PER3: variants seen among roughly 807,000 people sequenced by gnomAD.
PER3 encodes period circadian regulator 3, also known as period circadian protein homolog 3.
In PER3, 107 loss-of-function variants were observed where a neutral mutation model predicts 127.2. The observed-to-expected ratio is 0.84, with a 90% CI of 0.72 to 0.99. The LOEUF (loss-of-function observed/expected upper bound fraction) is 0.99, where lower values mean the gene tolerates loss of function less well. PER3 is among the 50% of genes least tolerant of loss of function. The probability of loss-of-function intolerance (pLI) is 0.00; values close to 1 mark genes in which losing one functional copy is unlikely to be tolerated. For synonymous variants in PER3, 618 were observed against 585.8 expected, an observed-to-expected ratio of 1.05 and a Z score of -0.79; for missense variants, 1,560 against 1,525.8, an observed-to-expected ratio of 1.02 and a Z score of -0.37.
intron 13 of PER3, 58 bp from the exon 14 acceptor site, chr1:7,819,227 T>A (rs939248666): frequency 2.8e-5 from 42 of 1,477,746 alleles, no homozygotes; most frequent in Non-Finnish European, 3.5e-5. Context: ...TAAGAAAGTA[T>A]ATGTTCTTAA....
intron 16 of PER3, among the ~76,000 whole-genome samples, chr1:7,825,195 G>GGATATT (rs1181839643): frequency 1.3e-5 from 2 of 152,058 alleles, no homozygotes; most frequent in East Asian, 3.9e-4. Context: ...CTGCACCACA[G>GGATATT]GGGCGAGCTG....
At position 7,826,778 on chromosome 1, in the gene PER3, G is replaced by A; in HGVS notation, c.2188+68G>A. On this transcript the variant is annotated intron_variant, in intron 17 of 21. Coordinates refer to ENST00000377532, the MANE Select transcript of PER3 (RefSeq NM_001377275.1). This position sits in a 1 kb window ranked among gnomAD's most constrained non-coding sequence, Gnocchi z 4.2. Reference sequence around the variant, plus strand: ...TGTTACAAACTGTATCTAAGGACTAGGAGATAAGGAGTGAACAATAGGAGT... The same window carrying A: ...TGTTACAAACTGTATCTAAGGACTAAGAGATAAGGAGTGAACAATAGGAGT... 2 of 906,746 alleles carry A rather than the reference G, an allele frequency of 2.2e-6. No homozygotes were observed. The highest frequency in any genetic ancestry group is 3.6e-6 in the Non-Finnish European group (2 of 563,270). The allele number at this position is 906,746 out of a possible 1,614,324, so 56.2% of individuals were successfully genotyped here.
At position 7,827,241 on chromosome 1, in the gene PER3, C is replaced by T. The variant is rs147126058; in HGVS notation, c.2312C>T (p.Ala771Val). Residue 771 changes from alanine (A) to valine (V), a missense_variant, in exon 18 of 22, where the codon GCG becomes GTG. Ala to Val is a moderately conservative substitution (Grantham distance 64). This residue lies in a region of PER3 where 1,332 missense variants were observed against 1,223.6 expected (regional missense o/e 1.09). Coordinates refer to ENST00000377532, the MANE Select transcript of PER3 (RefSeq NM_001377275.1). ...ACCGGCTCTGGTCCCCGCAGGGGAG[C>T]GCATCAGAACGCACAGCCCTGCTGC... ...SNTGSGPRRG[A>V]HQNAQPCCPS... is the part of the protein sequence containing the mutation. 71 of 1,613,782 alleles carry T rather than the reference C, an allele frequency of 4.4e-5. No homozygotes were observed. The highest frequency in any genetic ancestry group is 1.2e-4 in the African/African-American group (9 of 74,936).
At position 7,827,729 on chromosome 1, in the gene PER3, C is replaced by T; in HGVS notation, c.2800C>T (p.Gln934Ter). The T allele has an allele frequency of 6.2e-7, 1 of 1,614,076 alleles. No individual in the cohort carries two copies. The highest frequency in any genetic ancestry group is 8.5e-7 in the Non-Finnish European group (1 of 1,179,998). ...FITSRSSSPL[Q>*]LNLLQEEMPR... ...TACTTCGAGAAGCAGCTCACCCTTG[C>T]AGTTAAACTTACTTCAGGAAGAGAT... The change falls in exon 18 of 22, where the codon CAG becomes TAG. Residue 934 changes from glutamine (Q) to a stop codon, truncating the protein, a stop_gained. Transcript: ENST00000377532. LOFTEE classifies it high-confidence loss of function.
At chr1:7,814,669 A>T (rs1007845086) in intron 13 of PER3, among the ~76,000 whole-genome samples, 2 of 152,208 alleles carry the variant, frequency 1.3e-5, no homozygotes, top group African/African-American at 4.8e-5. Flanking sequence ...AAATGAAGAT[A>T]AAATAAATTC....
chr1:7,803,597 C>A (rs2097180119), intron 9 of PER3, 95 bp from the exon 10 acceptor site: 2 of 810,112 alleles, frequency 2.5e-6, no homozygotes, highest in Non-Finnish European at 3.9e-6. Context: ...CAAAAAAAAC[C>A]ACTAAAACAT....
At chr1:7,810,787 G>A in intron 13 of PER3, 199 bp downstream of exon 13, 1 of 426,120 alleles carries the variant, frequency 2.3e-6, no homozygotes, top group Non-Finnish European at 4.2e-6. Context: ...GAAAGGAAAT[G>A]GTATTAGAAT....
chr1:7,794,140 C>CAAGGAGTTCG lies in PER3; in HGVS notation c.644+133_644+142dup, dbSNP rs556720784. On this transcript the variant is annotated intron_variant, in intron 6 of 21. Transcript: ENST00000377532. ...AAAAAATAAGACTTGGTTATTGCCA[C>CAAGGAGTTCG]AAGGAGTTCGTATTTTGATTGAGAA... is the stretch of plus-strand genomic sequence containing the variant. 27 of 759,680 alleles carry CAAGGAGTTCG rather than the reference C, an allele frequency of 3.6e-5. No individual in the cohort carries two copies. The African/African-American group carries it at 3.8e-4, about 11-fold the overall frequency. The allele number at this position is 759,680 out of a possible 1,614,324, so 47.1% of individuals were successfully genotyped here.
chr1:7,806,812 A>AAAAAAAAAAAAAAATAT, intron 10 of PER3, among the ~76,000 whole-genome samples: 1 of 60,632 alleles, frequency 1.6e-5, no homozygotes, highest in African/African-American at 6.8e-5. Flanking sequence ...AAAAAAAAAA[A>AAAAAAAAAAAAAAATAT]ATATATATAT....
At chr1:7,836,743 C>A in intron 20 of PER3, 1 of 297,298 alleles carries the variant, frequency 3.4e-6, no homozygotes, top group Admixed American at 4.6e-5. Context: ...GATTTTTTTG[C>A]CCCTTCTAAA....
chr1:7,803,391 C>T lies in PER3; in HGVS notation c.979+238C>T, dbSNP rs1443382354. ...ATTGCCTGAGGTCAGGAGTTGGAGACCAGCCTGGCCAACATGGTGTAACCC... is the reference window on the plus strand; with the variant it reads ...ATTGCCTGAGGTCAGGAGTTGGAGATCAGCCTGGCCAACATGGTGTAACCC... On this transcript the variant is annotated intron_variant, in intron 9 of 21. Transcript: ENST00000377532. 1.5e-5 allele frequency among the ~76,000 whole-genome samples: 2 copies of T among 133,572 alleles called. 1 individual carries two copies. Among genetic ancestry groups the T allele is most frequent in the Non-Finnish European group, 3.3e-5 (2 of 59,880 alleles). The allele number at this position is 133,572 out of a possible 152,430, so 87.6% of individuals were successfully genotyped here. A position where few individuals can be genotyped will look rare whatever the true frequency, so the allele number is the denominator to read the frequency against.
At chr1:7,839,360 C>G (rs1416122368) in intron 21 of PER3, among the ~76,000 whole-genome samples, 1 of 152,142 alleles carries the variant, frequency 6.6e-6, no homozygotes, top group African/African-American at 2.4e-5. Context: ...GATTACAAAT[C>G]AAAGTTAAAA....
intron 13 of PER3, among the ~76,000 whole-genome samples, chr1:7,814,273 GAACAAA>G (rs896651469): frequency 2.6e-5 from 4 of 152,034 alleles, no homozygotes; most frequent in African/African-American, 9.7e-5. Context: ...GTTAAATACA[GAACAAA>G]AACAAAACAA....
intron 19 of PER3, among the ~76,000 whole-genome samples, chr1:7,830,901 G>T (rs2097328664): frequency 6.6e-6 from 1 of 152,192 alleles, no homozygotes; most frequent in Non-Finnish European, 1.5e-5. Flanking sequence ...GAAGCGTGGT[G>T]AAGTAAGTCC....
At chr1:7,802,697 A>G (rs781088892) in intron 8 of PER3, among the ~76,000 whole-genome samples, 6 of 152,248 alleles carry the variant, frequency 3.9e-5, no homozygotes, top group Non-Finnish European at 7.3e-5. Context: ...CAACATAAAC[A>G]TAATTATGGA....
Position 7,800,940 on chromosome 1 carries a change from T to C in PER3, c.794-173T>C, listed in dbSNP as rs1312865488. 3.3e-5 allele frequency among the ~76,000 whole-genome samples: 5 copies of C among 152,216 alleles called. No homozygotes were observed. The East Asian group carries it at 9.6e-4, about 29-fold the overall frequency. ...TACCTAATTAAAATGTAGTTAGTAATGAAATTACTATCATTTAACTGTAGC... is the reference window on the plus strand; with the variant it reads ...TACCTAATTAAAATGTAGTTAGTAACGAAATTACTATCATTTAACTGTAGC... On this transcript the variant is annotated intron_variant, in intron 7 of 21. Coordinates refer to ENST00000377532, the MANE Select transcript of PER3 (RefSeq NM_001377275.1).
At chr1:7,790,751 G>A (rs1005503428) in intron 5 of PER3, among the ~76,000 whole-genome samples, 18 of 152,180 alleles carry the variant, frequency 1.2e-4, no homozygotes, top group African/African-American at 2.4e-4. Flanking sequence ...TACAATAGAC[G>A]TACAAGCATT....
chr1:7,840,461 A>C (rs1291727040), intron 21 of PER3, among the ~76,000 whole-genome samples: 1 of 149,172 alleles, frequency 6.7e-6, no homozygotes, highest in African/African-American at 2.5e-5. Context: ...CCGAGTAGCT[A>C]GCACACACCA....
In PER3 at chr1:7,801,165, G is replaced by T. The variant is rs746938174; in HGVS notation, c.846G>T (p.Gly282=). Residue 282 remains glycine (G), a synonymous_variant, in exon 8 of 22, where the codon GGG becomes GGT. Coordinates refer to ENST00000377532, the MANE Select transcript of PER3 (RefSeq NM_001377275.1). ...KRIFTTTHTP[G]CVFLEVDEKA... ...TCTTCACCACCACACACACCCCAGG[G>T]TGTGTTTTTCTTGAAGTAGATGAAA... The T allele has an allele frequency of 6.2e-7, 1 of 1,602,724 alleles. No homozygotes were observed. The highest frequency in any genetic ancestry group is 2.2e-5 in the East Asian group (1 of 44,704).
Sources: allele counts gnomAD v4.1 joint callset (sites outside exome capture counted in the v4.1 genomes callset), GRCh38; gene constraint gnomAD v4.1.1; regional missense constraint gnomAD v4.1.1; non-coding constraint Gnocchi (gnomAD v3.1); transcripts MANE v1.5; gene names NCBI Gene and HGNC (gene_info 2026-07-23, HGNC 2026-07-21).